Variants in PNPT1 observed in about 807,000 individuals in gnomAD.
PNPT1 encodes polyribonucleotide nucleotidyltransferase 1, mitochondrial.
In PNPT1, 53 loss-of-function variants were observed where a neutral mutation model predicts 119.5. The observed-to-expected ratio is 0.44, with a 90% CI of 0.36 to 0.56. The LOEUF (loss-of-function observed/expected upper bound fraction) is 0.56. PNPT1 is among the 20% of genes least tolerant of loss of function. The pLI, the probability that PNPT1 is intolerant of heterozygous loss-of-function variation, is 0.00. For synonymous variants in PNPT1, 357 were observed against 322.1 expected (o/e 1.11, Z -1.16); for missense variants, 948 against 938.5 (o/e 1.01, Z -0.13).
intron 18 of PNPT1, among the ~76,000 whole-genome samples, chr2:55,653,106 C>T (rs893922917): frequency 1.3e-5 from 2 of 152,224 alleles, no homozygotes; most frequent in Admixed American, 6.5e-5. Context: ...CCTCAGGCTC[C>T]CAAAGTGCTG....
intron 8 of PNPT1, among the ~76,000 whole-genome samples, chr2:55,677,299 G>T (rs1488220001): frequency 6.6e-6 from 1 of 152,216 alleles, no homozygotes; most frequent in African/African-American, 2.4e-5. Flanking sequence ...GTGCAGCAAA[G>T]ATTCCTTGGT....
intron 5 of PNPT1, among the ~76,000 whole-genome samples, chr2:55,681,682 T>C (rs555893968): frequency 6.6e-6 from 1 of 151,382 alleles, no homozygotes; most frequent in South Asian, 2.1e-4. Flanking sequence ...CTGTCTCTAC[T>C]AAAAATACAA....
chr2:55,691,998 G>A (rs997071367), intron 1 of PNPT1, among the ~76,000 whole-genome samples: 15 of 148,492 alleles, frequency 1.0e-4, no homozygotes, highest in Non-Finnish European at 1.8e-4. Context: ...CGATTCTCCT[G>A]CCTCAGCCTC....
At chr2:55,688,976 G>A (rs975940430) in intron 1 of PNPT1, among the ~76,000 whole-genome samples, 3 of 152,028 alleles carry the variant, frequency 2.0e-5, no homozygotes, top group African/African-American at 4.8e-5. Context: ...AGACCCAAAC[G>A]TAAGAGCTAA....
rs140794351 is a variant in PNPT1 at position 55,666,186 on chromosome 2, G to C, written c.1176+805C>G. On this transcript the variant is annotated intron_variant, in intron 13 of 27. Transcript: ENST00000447944. ...GATCAGTAGTCTCCTGAGGAGGTGGGGGGCAGGAAGAAGGCATTACAAAAA... is the reference window on the plus strand; with the variant it reads ...GATCAGTAGTCTCCTGAGGAGGTGGCGGGCAGGAAGAAGGCATTACAAAAA... 3.0e-3 allele frequency among the ~76,000 whole-genome samples: 462 copies of C among 152,282 alleles called. 1 individual carries two copies. Among genetic ancestry groups the C allele is most frequent in the Non-Finnish European group, 4.9e-3 (336 of 68,020 alleles).
intron 13 of PNPT1, among the ~76,000 whole-genome samples, chr2:55,665,602 A>C (rs1036851529): frequency 1.3e-5 from 2 of 152,230 alleles, no homozygotes; most frequent in Non-Finnish European, 2.9e-5. Flanking sequence ...ATAAAAGGGC[A>C]AACCTGAGGC....
intron 18 of PNPT1, 53 bp downstream of exon 18, chr2:55,654,847 C>G: frequency 6.6e-7 from 1 of 1,524,072 alleles, no homozygotes; most frequent in Non-Finnish European, 9.0e-7. Flanking sequence ...AGGCTCATGC[C>G]TGGGATTACA....
chr2:55,673,390 A>G (rs964529332), intron 8 of PNPT1, among the ~76,000 whole-genome samples: 4 of 152,022 alleles, frequency 2.6e-5, no homozygotes, highest in African/African-American at 9.7e-5. Flanking sequence ...TTATTGAGCT[A>G]TAAGTCACAT....
rs529743894 is a variant in PNPT1, at chr2:55,635,421, T to C, written c.*816A>G. 7 of 152,228 alleles carry C rather than the reference T, an allele frequency of 4.6e-5. No individual in the cohort carries two copies. The highest frequency in any genetic ancestry group is 1.7e-4 in the African/African-American group (7 of 41,526). 9.4% of individuals were successfully genotyped at this position (152,228 alleles called of 1,614,324 possible). A position where few individuals can be genotyped will look rare whatever the true frequency, so the allele number is the denominator to read the frequency against. ...CCTCCACCTCCTGGGTTGAAGTGAT[T>C]CTTCTGCCTCAGCCTCCTGAGTAGC... On this transcript the variant is annotated 3_prime_UTR_variant, in exon 28 of 28. Coordinates refer to ENST00000447944, the MANE Select transcript of PNPT1 (RefSeq NM_033109.5).
In PNPT1 at chr2:55,693,739, C is replaced by G. The variant is rs772397694; in HGVS notation, c.85G>C (p.Ala29Pro). 3 of 1,614,186 alleles carry G rather than the reference C, an allele frequency of 1.9e-6. No homozygotes were observed. The highest frequency in any genetic ancestry group is 2.5e-6 in the Non-Finnish European group (3 of 1,180,044). The change falls in exon 1 of 28, where the codon GCA becomes CCA. Residue 29 changes from alanine to proline, a missense_variant. By Grantham distance (27) the Ala-to-Pro change is conservative. Transcript: ENST00000447944. ...GPFLLPRRDR[A>P]LTQLQVRALW... is the part of the protein sequence containing the mutation. The stretch of plus-strand genomic sequence containing the variant: ...GCTCGCACTTGCAACTGGGTGAGTG[C>G]CCGATCCCGCCGTGGCAGAAGGAAA...
chr2:55,673,436 C>T (rs2104129454), intron 8 of PNPT1, among the ~76,000 whole-genome samples: 1 of 150,562 alleles, frequency 6.6e-6, no homozygotes, highest in Non-Finnish European at 1.5e-5. Context: ...TATACAAGTG[C>T]ATTTGTTTTT....
chr2:55,674,674 T>C (rs1362743308), intron 8 of PNPT1, among the ~76,000 whole-genome samples: 4 of 152,206 alleles, frequency 2.6e-5, no homozygotes, highest in African/African-American at 4.8e-5. Context: ...TTCTAAATTA[T>C]GTTTGACAGT....
At chr2:55,650,725 G>A (rs1174053701) in intron 18 of PNPT1, among the ~76,000 whole-genome samples, 1 of 150,580 alleles carries the variant, frequency 6.6e-6, no homozygotes, top group African/African-American at 2.4e-5. Flanking sequence ...CGCCCCGTCT[G>A]AGAAGTGAGG....
chr2:55,670,047 C>T (rs1338435484), intron 11 of PNPT1, among the ~76,000 whole-genome samples: 1 of 152,062 alleles, frequency 6.6e-6, no homozygotes, highest in Non-Finnish European at 1.5e-5. Context: ...GCATGAGCCA[C>T]CACGCCTGGC....
At chr2:55,651,591 G>T (rs1404238791) in intron 18 of PNPT1, among the ~76,000 whole-genome samples, 1 of 151,730 alleles carries the variant, frequency 6.6e-6, no homozygotes, top group South Asian at 2.1e-4. Flanking sequence ...CTCCTTAAGA[G>T]TCATCACCAC....
rs1173158844 is a variant in PNPT1, at chr2:55,687,646, T to C, written c.221A>G (p.Gln74Arg). 6.3e-7 allele frequency: 1 copy of C among 1,575,566 alleles called. No individual in the cohort carries two copies. The highest frequency in any genetic ancestry group is 1.2e-5 in the South Asian group (1 of 84,004). ...ARFADGSAVV[Q>R]SGDTAVMVTA... ...ATTTTAAAAATCTGGACTTTTTACC[T>C]GTACTACAGCAGAGCCATCTGCAAA... Residue 74 changes from glutamine (Q) to arginine (R), a missense_variant and splice_region_variant, in exon 2 of 28, where the codon CAG (glutamine) becomes CGG (arginine). Coordinates refer to ENST00000447944, the MANE Select transcript of PNPT1 (RefSeq NM_033109.5).
chr2:55,636,471 A>G (rs1695678554), intron 27 of PNPT1, 79 bp from the exon 28 acceptor site: 2 of 1,430,500 alleles, frequency 1.4e-6, no homozygotes, highest in Non-Finnish European at 1.9e-6. Context: ...TTAAATTTAC[A>G]TGGTCCAAAT....
At chr2:55,650,126 C>T (rs1450937987) in intron 18 of PNPT1, among the ~76,000 whole-genome samples, 1 of 145,336 alleles carries the variant, frequency 6.9e-6, no homozygotes, top group African/African-American at 2.4e-5. Flanking sequence ...AAATCCTGCC[C>T]TCTCTCCCTC....
intron 17 of PNPT1, 40 bp downstream of exon 17, chr2:55,656,091 T>C (rs771182547): frequency 1.3e-6 from 2 of 1,587,088 alleles, no homozygotes; most frequent in Non-Finnish European, 1.7e-6. Context: ...ATAGGGAATA[T>C]GGTCTTTTCT....
Sources: gnomAD v4.1 joint callset for allele counts (sites outside exome capture counted in the v4.1 genomes callset) on GRCh38, gnomAD v4.1.1 for gene constraint, MANE v1.5 for transcripts, NCBI Gene and HGNC (gene_info 2026-07-23, HGNC 2026-07-21) for gene names.